CAMK2G: variants seen among roughly 807,000 people sequenced by gnomAD.
CAMK2G encodes calcium/calmodulin-dependent protein kinase type II subunit gamma.
CAMK2G carries 23 observed loss-of-function variants against 88.7 expected under a neutral mutation model. The observed-to-expected ratio is 0.26, with a 90% CI of 0.19 to 0.37. CAMK2G has a LOEUF of 0.37. Among genes scored for constraint, CAMK2G ranks in the 10% least tolerant of loss-of-function variants. The pLI is 1.00. For missense variants in CAMK2G, 476 were observed against 780.8 expected (o/e 0.61, Z 4.65); for synonymous variants, 263 against 294.8 (o/e 0.89, Z 1.11).
In CAMK2G at chr10:73,853,253, G is replaced by A. The variant is rs1326558308; in HGVS notation, c.221-7C>T. On this transcript the variant is annotated splice_region_variant and splice_polypyrimidine_tract_variant and intron_variant, in intron 3 of 22. Coordinates refer to ENST00000423381, the MANE Select transcript of CAMK2G (RefSeq NM_001367534.1). ...ATACTGTCATGGAGGCGCACTGCAAGAGAGGAGATGGGGACAGAGATTAAC... is the reference window on the plus strand; with the variant it reads ...ATACTGTCATGGAGGCGCACTGCAAAAGAGGAGATGGGGACAGAGATTAAC... The A allele has an allele frequency of 6.2e-7, 1 of 1,613,118 alleles. No individual in the cohort carries two copies. Among genetic ancestry groups the A allele is most frequent in the East Asian group, 2.2e-5 (1 of 44,884 alleles).
intron 10 of CAMK2G, among the ~76,000 whole-genome samples, chr10:73,844,111 G>A (rs556593004): frequency 1.1e-3 from 147 of 139,008 alleles, no homozygotes; most frequent in Non-Finnish European, 1.8e-3. Context: ...TTTTTTTTTT[G>A]AAACAGCATC....
intron 2 of CAMK2G, among the ~76,000 whole-genome samples, chr10:73,866,658 A>G (rs2095606497): frequency 6.6e-6 from 1 of 152,176 alleles, no homozygotes; most frequent in Non-Finnish European, 1.5e-5. Context: ...CTAAACATGG[A>G]TGTGAGAAAC....
intron 3 of CAMK2G, among the ~76,000 whole-genome samples, chr10:73,860,337 G>C (rs1000244416): frequency 2.0e-5 from 3 of 152,210 alleles, no homozygotes; most frequent in Non-Finnish European, 4.4e-5. Context: ...AGAGGAGCCA[G>C]GCAGGGGGGC....
chr10:73,858,949 G>A (rs1237209917), intron 3 of CAMK2G, among the ~76,000 whole-genome samples: 2 of 152,194 alleles, frequency 1.3e-5, no homozygotes, highest in African/African-American at 4.8e-5. Context: ...CCGCATCGCG[G>A]GTGATGTGGA....
At chr10:73,830,583 T>C (rs2092278686) in intron 14 of CAMK2G, among the ~76,000 whole-genome samples, 1 of 152,396 alleles carries the variant, frequency 6.6e-6, no homozygotes, top group African/African-American at 2.4e-5. Context: ...GGGAAATAAC[T>C]ATAACCTTTC....
At chr10:73,862,963 G>A (rs2095444470) in intron 2 of CAMK2G, among the ~76,000 whole-genome samples, 1 of 152,188 alleles carries the variant, frequency 6.6e-6, no homozygotes. Flanking sequence ...GAGGCCCAGG[G>A]AAGTTAAGTA....
intron 1 of CAMK2G, chr10:73,873,503 T>C (rs1331073795): frequency 1.3e-5 from 13 of 1,015,672 alleles, no homozygotes; most frequent in Admixed American, 1.1e-4. Flanking sequence ...GAAGGAAAGA[T>C]TAAAAAGAGG....
chr10:73,857,073 C>G (rs1180132412), intron 3 of CAMK2G, among the ~76,000 whole-genome samples: 2 of 152,174 alleles, frequency 1.3e-5, no homozygotes, highest in Non-Finnish European at 2.9e-5. Flanking sequence ...GGGCTCCCCC[C>G]ACCCCCACCA....
intron 2 of CAMK2G, among the ~76,000 whole-genome samples, chr10:73,871,237 A>G (rs2095818920): frequency 1.3e-5 from 2 of 152,202 alleles, no homozygotes; most frequent in African/African-American, 4.8e-5. Flanking sequence ...ATTGGGAAAG[A>G]TGGGACAAGG....
intron 5 of CAMK2G, among the ~76,000 whole-genome samples, chr10:73,850,600 C>T (rs1245581552): frequency 5.9e-5 from 9 of 152,220 alleles, no homozygotes; most frequent in Non-Finnish European, 8.8e-5. Flanking sequence ...ACGTTAGTAG[C>T]ACCAAGGCTG....
At chr10:73,853,631 T>C (rs183185448) in intron 3 of CAMK2G, among the ~76,000 whole-genome samples, 1 of 152,198 alleles carries the variant, frequency 6.6e-6, no homozygotes, top group Non-Finnish European at 1.5e-5. Context: ...AATGACCAGA[T>C]GGGAAAGCCA....
intron 21 of CAMK2G, chr10:73,816,705 A>G (rs753136739): frequency 1.7e-6 from 2 of 1,192,910 alleles, no homozygotes; most frequent in South Asian, 2.6e-5. Flanking sequence ...GTGATCCGCC[A>G]GCCTCAGCCT....
intron 14 of CAMK2G, among the ~76,000 whole-genome samples, chr10:73,830,437 A>C (rs118037410): frequency 6.6e-6 from 1 of 152,242 alleles, no homozygotes; most frequent in East Asian, 1.9e-4. Flanking sequence ...ATGCCTGGCT[A>C]AATGCCAGAT....
In CAMK2G at chr10:73,832,901, C is replaced by T. The variant is rs144870098; in HGVS notation, c.1053+4567G>A. 5.8e-3 allele frequency among the ~76,000 whole-genome samples: 879 copies of T among 151,464 alleles called. 9 individuals carry two copies. The highest frequency in any genetic ancestry group is 0.02 in the African/African-American group (822 of 41,286). On this transcript the variant is annotated intron_variant, in intron 14 of 22. Coordinates refer to ENST00000423381, the MANE Select transcript of CAMK2G (RefSeq NM_001367534.1). ...TCCTGAGTAGCTGGGACTATAGGTA[C>T]GCACCACTGTGTCTGGCTCCTTACT...
chr10:73,865,368 G>A (rs780925256), intron 2 of CAMK2G, among the ~76,000 whole-genome samples: 7 of 152,240 alleles, frequency 4.6e-5, no homozygotes, highest in Middle Eastern at 3.4e-3. Context: ...CCTCTTCCTC[G>A]CAGCCGTGGC....
rs112546888 is a variant in CAMK2G, at chr10:73,863,052, G to A, written c.161-2163C>T. 5.7e-3 allele frequency among the ~76,000 whole-genome samples: 864 copies of A among 152,346 alleles called. 12 individuals are homozygous for A. The highest frequency in any genetic ancestry group is 0.02 in the African/African-American group (830 of 41,574). ...GACTGTCAGTGTGAGATAATGTAGG[G>A]ATTATGGACTAGAAGAAATTCACAT... On this transcript the variant is annotated intron_variant, in intron 2 of 22. Coordinates refer to ENST00000423381, the MANE Select transcript of CAMK2G (RefSeq NM_001367534.1).
At chr10:73,866,615 T>C (rs2664283) in intron 2 of CAMK2G, among the ~76,000 whole-genome samples, 146,733 of 152,288 alleles carry the variant, frequency 0.96, 70,770 homozygotes, top group Middle Eastern at 1. Context: ...CTTAACTTTG[T>C]AAAGGGTATT....
intron 13 of CAMK2G, among the ~76,000 whole-genome samples, chr10:73,838,514 A>G (rs1205074301): frequency 6.6e-6 from 1 of 152,206 alleles, no homozygotes; most frequent in African/African-American, 2.4e-5. Flanking sequence ...CCTGGCATAT[A>G]GCAAGTACTG....
intron 21 of CAMK2G, 186 bp downstream of exon 21, chr10:73,816,837 G>A (rs1198601765): frequency 1.0e-5 from 16 of 1,567,244 alleles, no homozygotes; most frequent in Non-Finnish European, 1.2e-5. Flanking sequence ...GAGCTCAGGA[G>A]CAGGGCCTTC....
Sources: gnomAD v4.1 joint callset for allele counts (sites outside exome capture counted in the v4.1 genomes callset) on GRCh38, gnomAD v4.1.1 for gene constraint, MANE v1.5 for transcripts, NCBI Gene and HGNC (gene_info 2026-07-23, HGNC 2026-07-21) for gene names.